The following AGBL1 variants were observed in gnomAD, a reference collection of about 807,000 sequenced individuals.
AGBL1 encodes the protein AGBL carboxypeptidase 1.
In AGBL1, 130 loss-of-function variants were observed where a neutral mutation model predicts 118.9. The ratio of observed to expected loss-of-function variants is 1.09; its 90% CI spans 0.95 to 1.26. The LOEUF (loss-of-function observed/expected upper bound fraction) is 1.26. AGBL1 is among the 50% of genes most tolerant of loss of function. The pLI is 0.00. For synonymous variants in AGBL1, 555 were observed against 478.9 expected, an observed-to-expected ratio of 1.16 and a Z score of -2.08; for missense variants, 1,584 against 1,298.1, an observed-to-expected ratio of 1.22 and a Z score of -3.38.
chr15:86,843,970 A>G (rs1022619506), intron 22 of AGBL1, among the ~76,000 whole-genome samples: 3 of 152,164 alleles, frequency 2.0e-5, no homozygotes, highest in Non-Finnish European at 4.4e-5. Context: ...GAAGTTTTAT[A>G]TAAATAGTGT....
chr15:86,498,788 A>C (rs2082884182), intron 18 of AGBL1, among the ~76,000 whole-genome samples: 1 of 151,926 alleles, frequency 6.6e-6, no homozygotes, highest in African/African-American at 2.4e-5. Context: ...ATATAAAACT[A>C]TGAGCAGTGA....
chr15:86,829,770 A>G (rs558120963), intron 22 of AGBL1, among the ~76,000 whole-genome samples: 23 of 152,106 alleles, frequency 1.5e-4, no homozygotes, highest in Non-Finnish European at 2.9e-4. Flanking sequence ...CAGTTATTTT[A>G]TTTTTTAAAA....
intron 5 of AGBL1, among the ~76,000 whole-genome samples, chr15:86,174,909 T>C (rs1052723212): frequency 2.0e-5 from 3 of 152,096 alleles, no homozygotes; most frequent in African/African-American, 4.8e-5. Flanking sequence ...TTGTTTGCTA[T>C]ATTTTGTTGA....
chr15:86,701,968 C>T (rs1321609567), intron 22 of AGBL1, among the ~76,000 whole-genome samples: 24 of 150,436 alleles, frequency 1.6e-4, no homozygotes, highest in African/African-American at 5.6e-4. Flanking sequence ...CTCCCCTTCT[C>T]ACTTTCTCTC....
At chr15:86,791,520 T>A (rs1468354795) in intron 22 of AGBL1, among the ~76,000 whole-genome samples, 2 of 152,048 alleles carry the variant, frequency 1.3e-5, no homozygotes, top group East Asian at 3.9e-4. Flanking sequence ...TCAGTACTCC[T>A]TAGGGAAGTA....
At chr15:86,767,969 G>A (rs984334091) in intron 22 of AGBL1, among the ~76,000 whole-genome samples, 1 of 151,938 alleles carries the variant, frequency 6.6e-6, no homozygotes, top group African/African-American at 2.4e-5. Context: ...GAGTTGAGTA[G>A]AATCAGACAG....
chr15:86,535,928 C>T (rs978585827), intron 19 of AGBL1, among the ~76,000 whole-genome samples: 3 of 152,214 alleles, frequency 2.0e-5, no homozygotes, highest in Middle Eastern at 3.4e-3. Context: ...TTTCATAACT[C>T]GTGTTAAGGT....
chr15:86,293,345 T>C (rs565943938), intron 16 of AGBL1, among the ~76,000 whole-genome samples: 265 of 152,282 alleles, frequency 1.7e-3, no homozygotes, highest in African/African-American at 5.8e-3. Context: ...TTCTGGAGGC[T>C]CTGTGGGGAG....
intron 18 of AGBL1, among the ~76,000 whole-genome samples, chr15:86,494,000 A>T (rs2082816084): frequency 6.6e-6 from 1 of 151,768 alleles, no homozygotes; most frequent in Admixed American, 6.6e-5. Context: ...TCTCTTTCCC[A>T]AACCTCTCCC....
chr15:86,115,984 C>T (rs1421604242), intron 1 of AGBL1, among the ~76,000 whole-genome samples: 2 of 152,130 alleles, frequency 1.3e-5, no homozygotes, highest in African/African-American at 4.8e-5. Flanking sequence ...GTATTTAAGT[C>T]AGATCATGTC....
intron 17 of AGBL1, among the ~76,000 whole-genome samples, chr15:86,310,750 G>A (rs2079908380): frequency 6.6e-6 from 1 of 152,166 alleles, no homozygotes; most frequent in Admixed American, 6.5e-5. Flanking sequence ...CCTGGCAAAA[G>A]CATTTCTATT....
chr15:86,137,900 T>C (rs536970168), intron 1 of AGBL1, among the ~76,000 whole-genome samples: 1 of 152,296 alleles, frequency 6.6e-6, no homozygotes, highest in East Asian at 1.9e-4. Context: ...ATTTAATTGA[T>C]TTGTATATTA....
intron 5 of AGBL1, among the ~76,000 whole-genome samples, chr15:86,163,990 C>A (rs544257741): frequency 6.6e-6 from 1 of 152,224 alleles, no homozygotes; most frequent in African/African-American, 2.4e-5. Context: ...AATGAGGTGC[C>A]TTCTGGGAGA....
chr15:86,856,445 A>C (rs1462205804), intron 22 of AGBL1, among the ~76,000 whole-genome samples: 2 of 152,266 alleles, frequency 1.3e-5, no homozygotes, highest in Non-Finnish European at 2.9e-5. Flanking sequence ...ATCTAAGACT[A>C]AGCTAGCAAA....
chr15:86,310,233 C>T (rs1035853545), intron 17 of AGBL1, among the ~76,000 whole-genome samples: 2 of 152,118 alleles, frequency 1.3e-5, no homozygotes, highest in African/African-American at 2.4e-5. Flanking sequence ...TCATAGTAGT[C>T]GCTTATGATC....
At chr15:86,579,379 G>A (rs2084142149) in intron 21 of AGBL1, among the ~76,000 whole-genome samples, 1 of 152,168 alleles carries the variant, frequency 6.6e-6, no homozygotes, top group Non-Finnish European at 1.5e-5. Flanking sequence ...TACTTTTAAT[G>A]TAATATGAAT....
Position 86,515,003 on chromosome 15 carries a change from C to T in AGBL1, c.2556-7807C>T, listed in dbSNP as rs111491516. ...AGTTGCATAATACTTCATTTTGTGA[C>T]GGCACCAAATTATTCAACTACTCTC... On this transcript the variant is annotated intron_variant, in intron 18 of 22. Transcript: ENST00000614907. 2.6e-3 allele frequency among the ~76,000 whole-genome samples: 392 copies of T among 152,210 alleles called. 3 individuals carry two copies. The highest frequency in any genetic ancestry group is 8.1e-3 in the South Asian group (39 of 4,828).
rs1237412037 is a variant in AGBL1 at position 86,303,904 on chromosome 15, T to G, written c.2374+8496T>G. 2.0e-5 allele frequency among the ~76,000 whole-genome samples: 3 copies of G among 152,176 alleles called. No individual in the cohort carries two copies. In the East Asian group the frequency reaches 5.8e-4, roughly 29 times the overall value. On this transcript the variant is annotated intron_variant, in intron 17 of 22. Coordinates refer to ENST00000614907, the MANE Select transcript of AGBL1 (RefSeq NM_001386094.1). Reference sequence around the variant, plus strand: ...AAGAATTGGATGTATTATCTCCATGTTTAGATGATGAAATTGAGACCTGAG... The same window carrying G: ...AAGAATTGGATGTATTATCTCCATGGTTAGATGATGAAATTGAGACCTGAG...
intron 18 of AGBL1, among the ~76,000 whole-genome samples, chr15:86,513,927 A>C (rs2083083922): frequency 6.6e-6 from 1 of 151,970 alleles, no homozygotes; most frequent in South Asian, 2.1e-4. Flanking sequence ...ATTTTTTGGC[A>C]CCATTATATA....
Sources: allele counts gnomAD v4.1 joint callset (sites outside exome capture counted in the v4.1 genomes callset), GRCh38; gene constraint gnomAD v4.1.1; transcripts MANE v1.5; gene names NCBI Gene and HGNC (gene_info 2026-07-23, HGNC 2026-07-21).